NKAIN2: variants seen among roughly 807,000 people sequenced by gnomAD.
NKAIN2 encodes the protein sodium/potassium-transporting ATPase subunit beta-1-interacting protein 2.
In NKAIN2, 14 loss-of-function variants were observed where a neutral mutation model predicts 32.6. The observed-to-expected ratio is 0.43, with a 90% CI of 0.28 to 0.67. The LOEUF (loss-of-function observed/expected upper bound fraction) is 0.67, where lower values mean the gene tolerates loss of function less well. NKAIN2 is among the 30% of genes least tolerant of loss of function. NKAIN2 has a pLI of 0.17. For missense variants in NKAIN2, 198 were observed against 258.3 expected, an observed-to-expected ratio of 0.77 and a Z score of 1.60; for synonymous variants, 80 against 87.2, an observed-to-expected ratio of 0.92 and a Z score of 0.46.
chr6:124,157,784 G>A (rs977978796), intron 1 of NKAIN2, among the ~76,000 whole-genome samples: 4 of 152,184 alleles, frequency 2.6e-5, no homozygotes, highest in African/African-American at 9.7e-5. Flanking sequence ...TAATGTAAAT[G>A]AAAGTTAAAC....
At chr6:124,693,654 T>C (rs1221347995) in intron 4 of NKAIN2, among the ~76,000 whole-genome samples, 2 of 152,074 alleles carry the variant, frequency 1.3e-5, no homozygotes, top group Non-Finnish European at 2.9e-5. Flanking sequence ...GCTGAGGAGT[T>C]ATTCGGAGTA....
chr6:124,145,488 T>G (rs1430603597), intron 1 of NKAIN2, among the ~76,000 whole-genome samples: 1 of 132,378 alleles, frequency 7.6e-6, no homozygotes, highest in Non-Finnish European at 1.7e-5. Flanking sequence ...ACTGACAAAC[T>G]TTTTTTGTTT....
chr6:123,907,595 A>G (rs1190722058), intron 1 of NKAIN2, among the ~76,000 whole-genome samples: 1 of 152,178 alleles, frequency 6.6e-6, no homozygotes, highest in African/African-American at 2.4e-5. Flanking sequence ...TATGACATTA[A>G]TTTTAAGTTG....
rs370771562 is a variant in NKAIN2 at position 124,497,439 on chromosome 6, G to A, written c.273+142092G>A. Among the ~76,000 whole-genome samples, 36 of 152,212 alleles carry A rather than the reference G, an allele frequency of 2.4e-4. No individual in the cohort carries two copies. The South Asian group carries it at 6.0e-3, about 25-fold the overall frequency. On this transcript the variant is annotated intron_variant, in intron 3 of 6. Coordinates refer to ENST00000368417, the MANE Select transcript of NKAIN2 (RefSeq NM_001040214.3). ...ATACATCGCTAGGGCTTTTCACAGC[G>A]AAGAAGGGGATTTTAATGAAAATGC...
chr6:124,265,758 T>G (rs1469129683), intron 1 of NKAIN2, among the ~76,000 whole-genome samples: 1 of 150,764 alleles, frequency 6.6e-6, no homozygotes, highest in Non-Finnish European at 1.5e-5. Context: ...AGCAAGGCAA[T>G]CAGCCCCCTT....
intron 1 of NKAIN2, among the ~76,000 whole-genome samples, chr6:124,250,813 TATA>T (rs1793660845): frequency 6.6e-6 from 1 of 151,982 alleles, no homozygotes; most frequent in Non-Finnish European, 1.5e-5. Flanking sequence ...GAATAAAAAT[TATA>T]ATAATCCTAA....
intron 1 of NKAIN2, among the ~76,000 whole-genome samples, chr6:124,182,978 T>G (rs1229197474): frequency 6.6e-6 from 1 of 152,140 alleles, no homozygotes; most frequent in Non-Finnish European, 1.5e-5. Flanking sequence ...GAAATCAGAA[T>G]GTTAAATATG....
intron 1 of NKAIN2, among the ~76,000 whole-genome samples, chr6:124,110,671 T>C (rs1785342568): frequency 6.6e-6 from 1 of 152,132 alleles, no homozygotes; most frequent in East Asian, 1.9e-4. Flanking sequence ...CTTGCATTAA[T>C]TTGCTTAGGA....
chr6:124,215,474 G>A (rs1443746066), intron 1 of NKAIN2, among the ~76,000 whole-genome samples: 1 of 152,136 alleles, frequency 6.6e-6, no homozygotes, highest in Non-Finnish European at 1.5e-5. Flanking sequence ...GATACATTAT[G>A]TGGAAACTTT....
intron 3 of NKAIN2, among the ~76,000 whole-genome samples, chr6:124,447,861 G>A (rs746650686): frequency 3.9e-5 from 6 of 152,060 alleles, no homozygotes; most frequent in Non-Finnish European, 5.9e-5. Context: ...TTAACACGAT[G>A]GCCCTCTGTC....
At chr6:124,564,253 A>C (rs900738306) in intron 3 of NKAIN2, among the ~76,000 whole-genome samples, 10 of 150,010 alleles carry the variant, frequency 6.7e-5, no homozygotes, top group African/African-American at 2.5e-4. Flanking sequence ...CTCTGTAAAA[A>C]TGCAGCAATC....
intron 3 of NKAIN2, among the ~76,000 whole-genome samples, chr6:124,436,926 A>G (rs1374618580): frequency 3.3e-5 from 5 of 151,774 alleles, no homozygotes. Flanking sequence ...TCTCCCCATC[A>G]CCTTTATCAC....
At chr6:124,339,003 A>T (rs1797997950) in intron 2 of NKAIN2, among the ~76,000 whole-genome samples, 1 of 152,164 alleles carries the variant, frequency 6.6e-6, no homozygotes, top group African/African-American at 2.4e-5. Context: ...ATTACCACAG[A>T]TCATTACAAA....
intron 2 of NKAIN2, among the ~76,000 whole-genome samples, chr6:124,329,975 C>T (rs182263909): frequency 1.2e-4 from 18 of 152,272 alleles, no homozygotes; most frequent in Admixed American, 3.9e-4. Flanking sequence ...TGAATCTTTC[C>T]GACTTCAAGG....
Position 124,135,571 on chromosome 6 carries a change from A to G in NKAIN2, c.55-147434A>G, listed in dbSNP as rs60826369. Among the ~76,000 whole-genome samples the G allele has an allele frequency of 7.6e-3, 1,160 of 151,794 alleles. 12 individuals are homozygous for G. Among genetic ancestry groups the G allele is most frequent in the African/African-American group, 0.027 (1,113 of 41,420 alleles). The stretch of plus-strand genomic sequence containing the variant: ...ATATAATGATAAAAGTATTATTCCA[A>G]CAAGAAAATACCACAATTCTAAATA... On this transcript the variant is annotated intron_variant, in intron 1 of 6. Coordinates refer to ENST00000368417, the MANE Select transcript of NKAIN2 (RefSeq NM_001040214.3).
intron 4 of NKAIN2, among the ~76,000 whole-genome samples, chr6:124,753,770 C>T (rs1404311569): frequency 6.6e-6 from 1 of 151,824 alleles, no homozygotes; most frequent in African/African-American, 2.4e-5. Flanking sequence ...TTTATTGTTG[C>T]CCCAGGGAGG....
At chr6:124,452,100 C>A (rs1015905114) in intron 3 of NKAIN2, among the ~76,000 whole-genome samples, 1 of 151,182 alleles carries the variant, frequency 6.6e-6, no homozygotes, top group Non-Finnish European at 1.5e-5. Context: ...GAGGCTGAGG[C>A]AGGAGGACCA....
intron 2 of NKAIN2, among the ~76,000 whole-genome samples, chr6:124,288,091 T>C (rs1795644184): frequency 6.6e-6 from 1 of 152,224 alleles, no homozygotes; most frequent in African/African-American, 2.4e-5. Flanking sequence ...ATAACAGTAA[T>C]ATTTGTAAGA....
chr6:124,073,684 A>G (rs1271754474), intron 1 of NKAIN2, among the ~76,000 whole-genome samples: 1 of 152,114 alleles, frequency 6.6e-6, no homozygotes, highest in Non-Finnish European at 1.5e-5. Flanking sequence ...CAGGTTCCTA[A>G]CAAAATGTTG....
Sources: allele counts gnomAD v4.1 joint callset (sites outside exome capture counted in the v4.1 genomes callset), GRCh38; gene constraint gnomAD v4.1.1; transcripts MANE v1.5; gene names NCBI Gene and HGNC (gene_info 2026-07-23, HGNC 2026-07-21).